Variants in WFDC6 observed in about 807,000 individuals in gnomAD.
The protein encoded by WFDC6 is WAP four-disulfide core domain protein 6.
In WFDC6, 10 loss-of-function variants were observed where a neutral mutation model predicts 8.2. The ratio of observed to expected loss-of-function variants is 1.22; its 90% CI spans 0.75 to 2.07. The LOEUF is 2.07. Among genes scored for constraint, WFDC6 ranks in the 30% most tolerant of loss-of-function variants. The pLI is 0.00. For missense variants in WFDC6, 105 were observed against 104.9 expected, an observed-to-expected ratio of 1.00 and a Z score of 0.00; for synonymous variants, 28 against 37.0, an observed-to-expected ratio of 0.76 and a Z score of 0.88.
intron 2 of WFDC6, among the ~76,000 whole-genome samples, chr20:45,535,625 A>G (rs962568962): frequency 2.6e-5 from 4 of 152,202 alleles, no homozygotes; most frequent in African/African-American, 9.7e-5. Context: ...ACATCTGAAC[A>G]CTAAATCTGG....
chr20:45,534,395 G>C lies in WFDC6; in HGVS notation c.*72C>G. 2.5e-6 allele frequency: 4 copies of C among 1,591,900 alleles called. No homozygotes were observed. The highest frequency in any genetic ancestry group is 3.4e-6 in the Non-Finnish European group (4 of 1,159,946). On this transcript the variant is annotated 3_prime_UTR_variant, in exon 3 of 3. Coordinates refer to ENST00000372670, the MANE Select transcript of WFDC6 (RefSeq NM_080827.2). ...TTCTGGAACAGCCAAGGTTTGGCCC[G>C]TGGAAGCCAATTTGGAGCATCAATC...
chr20:45,538,619 T>C (rs1979465262), intron 1 of WFDC6, among the ~76,000 whole-genome samples: 1 of 152,186 alleles, frequency 6.6e-6, no homozygotes, highest in Admixed American at 6.5e-5. Flanking sequence ...CAATGAGTAA[T>C]ATGGATGAAG....
chr20:45,534,333 C>T lies in WFDC6; in HGVS notation c.*134G>A. On this transcript the variant is annotated 3_prime_UTR_variant, in exon 3 of 3. Transcript: ENST00000372670. Reference sequence around the variant, plus strand: ...GCATTGTGTTTGAAGAGATGCTACGCTGGAAGAAAGTGTGTAAGCAATTCC... The same window carrying T: ...GCATTGTGTTTGAAGAGATGCTACGTTGGAAGAAAGTGTGTAAGCAATTCC... 9.7e-7 allele frequency: 1 copy of T among 1,028,674 alleles called. No homozygotes were observed. Among genetic ancestry groups the T allele is most frequent in the South Asian group, 1.3e-5 (1 of 77,182 alleles). The allele number at this position is 1,028,674 out of a possible 1,614,324, so 63.7% of individuals were successfully genotyped here. A position where few individuals can be genotyped will look rare whatever the true frequency, so the allele number is the denominator to read the frequency against.
chr20:45,534,539 G>A (rs1979292442), intron 2 of WFDC6, 34 bp from the exon 3 acceptor site: 1 of 1,612,828 alleles, frequency 6.2e-7, no homozygotes, highest in South Asian at 1.1e-5. Flanking sequence ...TGAGATGCTT[G>A]GACCCTGACC....
intron 2 of WFDC6, among the ~76,000 whole-genome samples, chr20:45,534,810 A>G (rs1448950938): frequency 1.3e-5 from 2 of 152,232 alleles, no homozygotes; most frequent in Admixed American, 1.3e-4. Flanking sequence ...TTTCAAAGGA[A>G]GAGAAGTAGC....
intron 1 of WFDC6, 56 bp from the exon 2 acceptor site, chr20:45,538,150 TCC>T (rs965366395): frequency 5.0e-6 from 8 of 1,610,918 alleles, no homozygotes; most frequent in Non-Finnish European, 6.8e-6. Context: ...GTGCTCCCCC[TCC>T]CCGAGACCAG....
rs759599460 is a variant in WFDC6, at chr20:45,535,342, C to G, written c.223-837G>C. 7 of 1,297,046 alleles carry G rather than the reference C, an allele frequency of 5.4e-6. No individual in the cohort carries two copies. In the South Asian group the frequency reaches 8.8e-5, roughly 16 times the overall value. 80.3% of individuals were successfully genotyped at this position (1,297,046 alleles called of 1,614,324 possible). A position where few individuals can be genotyped will look rare whatever the true frequency, so the allele number is the denominator to read the frequency against. On this transcript the variant is annotated intron_variant, in intron 2 of 2. Coordinates refer to ENST00000372670, the MANE Select transcript of WFDC6 (RefSeq NM_080827.2). Reference sequence around the variant, plus strand: ...ATACTGCATATATCTGCAGGGAGATCGCAGAATAGAGCTGTTTGGGTGCCT... The same window carrying G: ...ATACTGCATATATCTGCAGGGAGATGGCAGAATAGAGCTGTTTGGGTGCCT...
Position 45,538,154 on chromosome 20 carries a change from C to T in WFDC6, c.92-60G>A, listed in dbSNP as rs185984084. ...TAAAGGAGCCAGTGCTCCCCCTCCC[C>T]GAGACCAGGGCACCCCTCCAGAGTT... is the stretch of plus-strand genomic sequence containing the variant. On this transcript the variant is annotated intron_variant, in intron 1 of 2. Coordinates refer to ENST00000372670, the MANE Select transcript of WFDC6 (RefSeq NM_080827.2). 127 of 1,610,550 alleles carry T rather than the reference C, an allele frequency of 7.9e-5. No individual in the cohort carries two copies. In the African/African-American group the frequency reaches 9.1e-4, roughly 12 times the overall value.
chr20:45,535,006 C>T, intron 2 of WFDC6: 1 of 659,962 alleles, frequency 1.5e-6, no homozygotes, highest in Non-Finnish European at 2.2e-6. Context: ...TCCCTTCCCA[C>T]CCTCTTTCCC....
At chr20:45,535,143 G>A (rs772543849) in intron 2 of WFDC6, 12 of 1,299,600 alleles carry the variant, frequency 9.2e-6, no homozygotes, top group South Asian at 6.2e-5. Context: ...ACAGGAGACC[G>A]GGACCTCTGG....
chr20:45,539,218 G>A, intron 1 of WFDC6, 99 bp downstream of exon 1: 2 of 1,187,194 alleles, frequency 1.7e-6, no homozygotes, highest in Non-Finnish European at 2.5e-6. Flanking sequence ...CCAGGCAGAG[G>A]TGGAGAAAAT....
Position 45,538,042 on chromosome 20 carries a change from A to C in WFDC6, c.144T>G (p.Cys48Trp), listed in dbSNP as rs188613330. The C allele has an allele frequency of 2.5e-5, 41 of 1,614,012 alleles. No individual in the cohort carries two copies. In the Admixed American group the frequency reaches 5.8e-4, roughly 23 times the overall value. Reference protein sequence around the residue: ...VECEVEEIDQCTKPRDCPENM... With the variant: ...VECEVEEIDQWTKPRDCPENM... ...TTTCTGGGCAATCTCTGGGTTTGGTACACTGGTCTATTTCTTCCACTTCGC... is the reference window on the plus strand; with the variant it reads ...TTTCTGGGCAATCTCTGGGTTTGGTCCACTGGTCTATTTCTTCCACTTCGC... Residue 48 changes from cysteine to tryptophan, a missense_variant, in exon 2 of 3, where the codon TGT (cysteine) becomes TGG (tryptophan). Cys to Trp is a radical substitution (Grantham distance 215). Transcript: ENST00000372670.
chr20:45,536,393 T>C (rs539709915), intron 2 of WFDC6, among the ~76,000 whole-genome samples: 1 of 152,314 alleles, frequency 6.6e-6, no homozygotes, highest in African/African-American at 2.4e-5. Context: ...AATTGTAGCA[T>C]TGATTAGTGT....
intron 2 of WFDC6, chr20:45,535,057 T>C: frequency 8.5e-7 from 1 of 1,169,986 alleles, no homozygotes; most frequent in South Asian, 1.6e-5. Flanking sequence ...GGAGCTGGTT[T>C]TGTCATCCCC....
chr20:45,535,192 T>C (rs1362325095), intron 2 of WFDC6: 2 of 1,304,246 alleles, frequency 1.5e-6, no homozygotes, highest in Non-Finnish European at 1.0e-6. Flanking sequence ...GACAGATAGC[T>C]TCAGTTTGGA....
chr20:45,537,757 G>T (rs1979421963), intron 2 of WFDC6, among the ~76,000 whole-genome samples: 1 of 152,066 alleles, frequency 6.6e-6, no homozygotes, highest in African/African-American at 2.4e-5. Flanking sequence ...AAACTACATT[G>T]TTCACATCAC....
At chr20:45,537,133 G>T (rs528124368) in intron 2 of WFDC6, 4 of 184,804 alleles carry the variant, frequency 2.2e-5, no homozygotes, top group Non-Finnish European at 4.6e-5. Context: ...TGGGAATACA[G>T]ATTCAAGTTG....
chr20:45,538,689 C>T (rs1979468581), intron 1 of WFDC6, among the ~76,000 whole-genome samples: 2 of 152,168 alleles, frequency 1.3e-5, no homozygotes, highest in African/African-American at 2.4e-5. Flanking sequence ...GGTAAGTACT[C>T]TTAATATTCA....
Position 45,534,503 on chromosome 20 carries a change from G to A in WFDC6, c.225C>T (p.Val75=). 1 of 1,613,908 alleles carries A rather than the reference G, an allele frequency of 6.2e-7. No individual in the cohort carries two copies. The highest frequency in any genetic ancestry group is 8.5e-7 in the Non-Finnish European group (1 of 1,179,884). ...CCTCCTTATGGTATAAAGTAAGGCT[G>A]ACCTGTGAAGCAGAAGAATAAAGGG... The part of the protein sequence containing the change: ...RGKKCLDFRK[V]SLTLYHKEEL... Residue 75 remains valine (V), a splice_region_variant and synonymous_variant, in exon 3 of 3, where the codon GTC becomes GTT. Coordinates refer to ENST00000372670, the MANE Select transcript of WFDC6 (RefSeq NM_080827.2).
Sources: gnomAD v4.1 joint callset for allele counts (sites outside exome capture counted in the v4.1 genomes callset) on GRCh38, gnomAD v4.1.1 for gene constraint, MANE v1.5 for transcripts, NCBI Gene and HGNC (gene_info 2026-07-23, HGNC 2026-07-21) for gene names.